NHSL2: variants seen among roughly 807,000 people sequenced by gnomAD.
NHSL2 encodes NHS-like protein 2.
NHSL2 carries 27 observed loss-of-function variants against 53.4 expected under a neutral mutation model. That is an observed-to-expected ratio of 0.51 (90% CI 0.37 to 0.70). NHSL2 has a LOEUF of 0.70. NHSL2 is among the 30% of genes least tolerant of loss of function. The pLI, the probability that NHSL2 is intolerant of heterozygous loss-of-function variation, is 0.00. For synonymous variants in NHSL2, 408 were observed against 404.1 expected, an observed-to-expected ratio of 1.01 and a Z score of -0.12; for missense variants, 892 against 980.1, an observed-to-expected ratio of 0.91 and a Z score of 1.20.
chrX:72,098,548 C>T (rs1324443481), intron 1 of NHSL2, among the ~76,000 whole-genome samples: 7 of 103,535 alleles, frequency 6.8e-5, no homozygotes, highest in Admixed American at 1.0e-4. Context: ...GCCACTGCAC[C>T]CCAGCCTGGG....
At chrX:72,070,343 G>A (rs1187568151) in intron 1 of NHSL2, among the ~76,000 whole-genome samples, 1 of 110,407 alleles carries the variant, frequency 9.1e-6, no homozygotes, top group African/African-American at 3.3e-5. Context: ...AAGAGCATTT[G>A]CCGGCCTTGA....
At chrX:72,089,885 A>G (rs897115027) in intron 1 of NHSL2, among the ~76,000 whole-genome samples, 4 of 111,961 alleles carry the variant, frequency 3.6e-5, no homozygotes, top group African/African-American at 1.3e-4. Context: ...TGAATCAACA[A>G]GTATTTAGGG....
intron 2 of NHSL2, 135 bp from the exon 3 acceptor site, chrX:72,133,956 C>T (rs1483334611): frequency 8.2e-6 from 5 of 612,954 alleles, no homozygotes; most frequent in Non-Finnish European, 2.5e-6. Context: ...GTGGCTCAAA[C>T]ACCTGGAAAT....
intron 1 of NHSL2, among the ~76,000 whole-genome samples, chrX:72,064,594 C>T (rs746066055): frequency 3.6e-5 from 4 of 112,179 alleles, no homozygotes; most frequent in Admixed American, 9.4e-5. Context: ...TACCACCTGC[C>T]GCACTTCCCT....
chrX:71,973,759 T>G (rs913981589), intron 1 of NHSL2, among the ~76,000 whole-genome samples: 7 of 111,846 alleles, frequency 6.3e-5, no homozygotes, highest in Non-Finnish European at 1.3e-4. Context: ...GGGTAAAGAT[T>G]CTGCCCTACA....
intron 1 of NHSL2, among the ~76,000 whole-genome samples, chrX:72,075,180 A>G (rs753781981): frequency 1.8e-5 from 2 of 112,175 alleles, no homozygotes; most frequent in African/African-American, 3.2e-5. Context: ...TCCTTATGTT[A>G]GAGAAAGCTG....
rs769388099 is a variant in NHSL2, at chrX:72,139,134, C to T, written c.1586C>T (p.Thr529Met). Reference sequence around the variant, plus strand: ...GCCTGTGCCCTGCCTTTTGCCAGTACGAGCTCTGAGGGCAGTAACAGTGCT... The same window carrying T: ...GCCTGTGCCCTGCCTTTTGCCAGTATGAGCTCTGAGGGCAGTAACAGTGCT... ...NEACALPFAS[T>M]SSEGSNSADN... The change falls in exon 6 of 8, where the codon ACG becomes ATG. Residue 529 changes from threonine (T) to methionine (M), a missense_variant. By Grantham distance (81) the Thr-to-Met change is moderately conservative. Transcript: ENST00000633930. 17 of 1,170,905 alleles carry T rather than the reference C, an allele frequency of 1.5e-5. 1 individual carries two copies. The highest frequency in any genetic ancestry group is 2.3e-4 in the Middle Eastern group (1 of 4,302).
At chrX:72,011,411 C>T (rs1283767492) in intron 1 of NHSL2, among the ~76,000 whole-genome samples, 2 of 112,576 alleles carry the variant, frequency 1.8e-5, no homozygotes, top group African/African-American at 6.5e-5. Context: ...GTGGCTCACA[C>T]CTGTAATCCC....
chrX:72,005,326 A>G (rs1217053271), intron 1 of NHSL2, among the ~76,000 whole-genome samples: 1 of 112,281 alleles, frequency 8.9e-6, no homozygotes, highest in Non-Finnish European at 1.9e-5. Context: ...ACTCTGCTGC[A>G]TGCTGAGATC....
chrX:71,940,642 A>G (rs1273468256), intron 1 of NHSL2, among the ~76,000 whole-genome samples: 3 of 109,928 alleles, frequency 2.7e-5, no homozygotes, highest in African/African-American at 1.0e-4. Context: ...GAGGGAAGGC[A>G]GAAAGTATGG....
intron 1 of NHSL2, chrX:72,080,087 A>T (rs2041777224): frequency 8.9e-6 from 1 of 112,481 alleles, no homozygotes; most frequent in South Asian, 3.7e-4. Flanking sequence ...AACGGGGTTC[A>T]GGAAAGTCCC....
intron 1 of NHSL2, among the ~76,000 whole-genome samples, chrX:71,916,232 G>A (rs763271926): frequency 8.9e-6 from 1 of 111,750 alleles, no homozygotes; most frequent in African/African-American, 3.3e-5. Context: ...TTCTAGTAGA[G>A]GCTGGTTGGC....
rs755915671 is a variant in NHSL2 at position 72,130,600 on chromosome X, G to A, written c.281-1479G>A. ...AACTCCAGGGAGCGGGATAGGCTTG[G>A]GAACGCGCACTTTTCTTTCTATCTC... On this transcript the variant is annotated intron_variant, in intron 1 of 7. Coordinates refer to ENST00000633930, the MANE Select transcript of NHSL2 (RefSeq NM_001013627.3). 5.8e-6 allele frequency: 7 copies of A among 1,209,792 alleles called. No individual in the cohort carries two copies. In the African/African-American group the frequency reaches 1.2e-4, roughly 21 times the overall value.
chrX:72,051,794 T>C (rs992581458), intron 1 of NHSL2, among the ~76,000 whole-genome samples: 1 of 111,270 alleles, frequency 9.0e-6, no homozygotes, highest in Non-Finnish European at 1.9e-5. Context: ...CTCTCCAACA[T>C]GTCCCCACCT....
At chrX:71,943,988 G>A (rs988354852) in intron 1 of NHSL2, among the ~76,000 whole-genome samples, 2 of 111,601 alleles carry the variant, frequency 1.8e-5, no homozygotes, top group Non-Finnish European at 3.8e-5. Flanking sequence ...TCTGCTCAGG[G>A]GGCTTTGTCC....
chrX:71,967,828 C>G (rs1353697405), intron 1 of NHSL2, among the ~76,000 whole-genome samples: 1 of 111,070 alleles, frequency 9.0e-6, no homozygotes, highest in Non-Finnish European at 1.9e-5. Context: ...AGTTGTGATT[C>G]TCTGTGTTCA....
intron 1 of NHSL2, among the ~76,000 whole-genome samples, chrX:72,087,145 G>A (rs1387978968): frequency 8.9e-6 from 1 of 112,205 alleles, no homozygotes; most frequent in East Asian, 2.8e-4. Context: ...TAAAATTTGG[G>A]ATATCCATAA....
At chrX:71,915,783 T>C (rs1463114790) in intron 1 of NHSL2, among the ~76,000 whole-genome samples, 1 of 111,381 alleles carries the variant, frequency 9.0e-6, no homozygotes, top group Non-Finnish European at 1.9e-5. Flanking sequence ...CCCTCTGCAG[T>C]GATGCTAAGT....
chrX:72,124,069 C>T (rs753444268), intron 1 of NHSL2, among the ~76,000 whole-genome samples: 1 of 111,817 alleles, frequency 8.9e-6, no homozygotes, highest in East Asian at 2.8e-4. Flanking sequence ...GAGAAGTGGC[C>T]TGCCGAGCTT....
Sources: gnomAD v4.1 joint callset for allele counts (sites outside exome capture counted in the v4.1 genomes callset) on GRCh38, gnomAD v4.1.1 for gene constraint, MANE v1.5 for transcripts, NCBI Gene and HGNC (gene_info 2026-07-23, HGNC 2026-07-21) for gene names.